The following COMMD10 variants were observed in gnomAD, a reference collection of about 807,000 sequenced individuals.
The protein encoded by COMMD10 is COMM domain containing 10.
A neutral mutation model predicts 28.9 loss-of-function variants in COMMD10; 33 were observed. That is an observed-to-expected ratio of 1.14 (90% CI 0.87 to 1.53). COMMD10 has a LOEUF of 1.53. Ranked by LOEUF, COMMD10 falls within the 40% of genes most tolerant of loss-of-function variation. COMMD10 has a pLI of 0.00. For missense variants in COMMD10, 310 were observed against 233.4 expected (o/e 1.33, Z -2.14); for synonymous variants, 110 against 81.7 (o/e 1.35, Z -1.87).
intron 5 of COMMD10, among the ~76,000 whole-genome samples, chr5:116,171,838 G>T (rs1172747453): frequency 6.6e-6 from 1 of 152,074 alleles, no homozygotes; most frequent in Non-Finnish European, 1.5e-5. Context: ...CGGGTGTGGG[G>T]CTAGGGGAGG....
intron 5 of COMMD10, among the ~76,000 whole-genome samples, chr5:116,173,049 C>G (rs1451669199): frequency 6.6e-6 from 1 of 151,984 alleles, no homozygotes; most frequent in Non-Finnish European, 1.5e-5. Flanking sequence ...ACACATATAA[C>G]CCTTTTTTCT....
At chr5:116,183,591 T>A (rs1481146130) in intron 5 of COMMD10, among the ~76,000 whole-genome samples, 1 of 152,102 alleles carries the variant, frequency 6.6e-6, no homozygotes, top group Non-Finnish European at 1.5e-5. Flanking sequence ...ACTTTCTTTG[T>A]GTTCTGAGAG....
intron 5 of COMMD10, among the ~76,000 whole-genome samples, chr5:116,162,883 T>G (rs200792142): frequency 2.7e-5 from 3 of 111,866 alleles, no homozygotes; most frequent in Non-Finnish European, 3.3e-5. Flanking sequence ...TTTTAAAAAA[T>G]TATCAGATAT....
At chr5:116,164,851 C>G (rs540553981) in intron 5 of COMMD10, among the ~76,000 whole-genome samples, 3 of 152,028 alleles carry the variant, frequency 2.0e-5, no homozygotes, top group Non-Finnish European at 4.4e-5. Context: ...ACTTAATAAG[C>G]TATAATGTGC....
chr5:116,222,478 G>C (rs1010617185), intron 5 of COMMD10, among the ~76,000 whole-genome samples: 2 of 152,076 alleles, frequency 1.3e-5, no homozygotes, highest in African/African-American at 4.8e-5. Flanking sequence ...GACTCATCTA[G>C]TTCAGTGGGA....
At chr5:116,176,324 G>A (rs529846185) in intron 5 of COMMD10, among the ~76,000 whole-genome samples, 11 of 152,268 alleles carry the variant, frequency 7.2e-5, no homozygotes, top group African/African-American at 2.6e-4. Context: ...AGGCTGACTA[G>A]GCTGGACTGG....
At chr5:116,136,354 A>G (rs894594419) in intron 5 of COMMD10, among the ~76,000 whole-genome samples, 8 of 152,196 alleles carry the variant, frequency 5.3e-5, no homozygotes, top group African/African-American at 1.7e-4. Context: ...GTGAAAATAC[A>G]TACATACATG....
chr5:116,120,761 TTA>T (rs1463588349), intron 4 of COMMD10, among the ~76,000 whole-genome samples: 216 of 151,978 alleles, frequency 1.4e-3, no homozygotes, highest in African/African-American at 4.9e-3. Flanking sequence ...TTTTTTTTTT[TTA>T]TTACAGAGTA....
chr5:116,149,645 A>C (rs1317249469), intron 5 of COMMD10, among the ~76,000 whole-genome samples: 10 of 151,220 alleles, frequency 6.6e-5, no homozygotes, highest in South Asian at 2.1e-4. Context: ...TTGGCTGCAT[A>C]AATGTCTTCT....
intron 4 of COMMD10, among the ~76,000 whole-genome samples, chr5:116,098,372 C>A (rs1561598824): frequency 6.6e-6 from 1 of 152,176 alleles, no homozygotes; most frequent in Non-Finnish European, 1.5e-5. Flanking sequence ...CTGTGGGGTG[C>A]TTGCAGCAGA....
rs115394022 is a variant in COMMD10, at chr5:116,144,063, A to G, written c.510+9885A>G. 1.7e-3 allele frequency among the ~76,000 whole-genome samples: 265 copies of G among 151,984 alleles called. 1 individual carries two copies. Among genetic ancestry groups the G allele is most frequent in the African/African-American group, 6.0e-3 (250 of 41,516 alleles). On this transcript the variant is annotated intron_variant, in intron 5 of 6. Transcript: ENST00000274458. The stretch of plus-strand genomic sequence containing the variant: ...TTTTGAGCATTTCAAATATGGAGGT[A>G]CCTGAGATATCCAGGTGGAGATTGT...
intron 4 of COMMD10, among the ~76,000 whole-genome samples, chr5:116,098,506 A>G (rs1413213471): frequency 6.6e-6 from 1 of 152,222 alleles, no homozygotes; most frequent in African/African-American, 2.4e-5. Context: ...TGAATTTGCC[A>G]TGTGCTGAGT....
rs368426859 is a variant in COMMD10 at position 116,189,541 on chromosome 5, TACTTA to T, written c.510+55371_510+55375del. Among the ~76,000 whole-genome samples, 16 of 152,322 alleles carry T rather than the reference TACTTA, an allele frequency of 1.1e-4. 1 individual carries two copies. The highest frequency in any genetic ancestry group is 2.2e-4 in the African/African-American group (9 of 41,574). ...TTTGTGTGCCATCCGAATTGTTTCCTACTTAACTTAACCAGAAATCACTTCCATTC... is the reference window on the plus strand; with the variant it reads ...TTTGTGTGCCATCCGAATTGTTTCCTACTTAACCAGAAATCACTTCCATTC... On this transcript the variant is annotated intron_variant, in intron 5 of 6. Transcript: ENST00000274458.
intron 4 of COMMD10, among the ~76,000 whole-genome samples, chr5:116,109,173 C>T (rs947019647): frequency 2.0e-5 from 3 of 152,142 alleles, no homozygotes; most frequent in Admixed American, 2.0e-4. Flanking sequence ...CATAATAGTT[C>T]TTTTGACCCA....
intron 5 of COMMD10, among the ~76,000 whole-genome samples, chr5:116,185,153 GATCTTTA>G (rs1748096100): frequency 6.6e-6 from 1 of 152,080 alleles, no homozygotes; most frequent in Non-Finnish European, 1.5e-5. Flanking sequence ...TGCGCCCATA[GATCTTTA>G]TATTGTCTTA....
chr5:116,184,282 TTTTC>T lies in COMMD10; in HGVS notation c.510+50108_510+50111del, dbSNP rs373915513. Among the ~76,000 whole-genome samples the T allele has an allele frequency of 6.2e-5, 9 of 145,064 alleles. 1 individual carries two copies. Among genetic ancestry groups the T allele is most frequent in the African/African-American group, 2.3e-4 (9 of 39,036 alleles). On this transcript the variant is annotated intron_variant, in intron 5 of 6. Transcript: ENST00000274458. ...TTCACTCCCTAATTATGTATTTACA[TTTTC>T]TTTATTTTTCTTAACTATATATCTG...
chr5:116,104,804 A>G (rs979212095), intron 4 of COMMD10, among the ~76,000 whole-genome samples: 1 of 152,094 alleles, frequency 6.6e-6, no homozygotes, highest in South Asian at 2.1e-4. Flanking sequence ...TATTTTTAGT[A>G]GAGACGGGGT....
At chr5:116,112,363 A>T (rs1290078486) in intron 4 of COMMD10, among the ~76,000 whole-genome samples, 2 of 152,002 alleles carry the variant, frequency 1.3e-5, no homozygotes, top group East Asian at 3.9e-4. Flanking sequence ...GTCTTCACAG[A>T]TAAGGTGGGT....
chr5:116,168,315 A>G (rs1753201815), intron 5 of COMMD10, among the ~76,000 whole-genome samples: 1 of 152,208 alleles, frequency 6.6e-6, no homozygotes, highest in Non-Finnish European at 1.5e-5. Context: ...CACGCAATAC[A>G]GGAGCACCCA....
Sources: gnomAD v4.1 joint callset for allele counts (sites outside exome capture counted in the v4.1 genomes callset) on GRCh38, gnomAD v4.1.1 for gene constraint, MANE v1.5 for transcripts, NCBI Gene and HGNC (gene_info 2026-07-23, HGNC 2026-07-21) for gene names.